The following EPB41L3 variants were observed in gnomAD, a reference collection of about 807,000 sequenced individuals.
EPB41L3 encodes band 4.1-like protein 3.
A neutral mutation model predicts 127.1 loss-of-function variants in EPB41L3; 57 were observed. The observed-to-expected ratio is 0.45, with a 90% CI of 0.36 to 0.56. The LOEUF (loss-of-function observed/expected upper bound fraction) is 0.56, where lower values mean the gene tolerates loss of function less well. Ranked by LOEUF, EPB41L3 falls within the 20% of genes least tolerant of loss-of-function variation. The pLI is 0.00. For missense variants in EPB41L3, 1,273 were observed against 1,372.2 expected, an observed-to-expected ratio of 0.93 and a Z score of 1.14; for synonymous variants, 572 against 549.5, an observed-to-expected ratio of 1.04 and a Z score of -0.57.
At chr18:5,491,134 C>T (rs960270588) in intron 1 of EPB41L3, among the ~76,000 whole-genome samples, 3 of 152,166 alleles carry the variant, frequency 2.0e-5, no homozygotes, top group Admixed American at 1.3e-4. Flanking sequence ...AAAATGCACT[C>T]AATGTTTAGG....
intron 1 of EPB41L3, among the ~76,000 whole-genome samples, chr18:5,627,106 T>C (rs1265326708): frequency 1.3e-5 from 2 of 152,160 alleles, no homozygotes; most frequent in African/African-American, 2.4e-5. Context: ...CCAGGAGAAC[T>C]TTTCTTCAAA....
chr18:5,437,562 A>G (rs980761203), intron 6 of EPB41L3, among the ~76,000 whole-genome samples: 1 of 152,198 alleles, frequency 6.6e-6, no homozygotes, highest in Non-Finnish European at 1.5e-5. Context: ...TTCTTGCTTA[A>G]TATCTTCTTT....
At chr18:5,493,396 C>A (rs1306418229) in intron 1 of EPB41L3, among the ~76,000 whole-genome samples, 1 of 152,112 alleles carries the variant, frequency 6.6e-6, no homozygotes, top group Non-Finnish European at 1.5e-5. Flanking sequence ...TTTTTAACAT[C>A]AACCTTTTTT....
upstream of EPB41L3, among the ~76,000 whole-genome samples, chr18:5,544,778 T>C (rs796137494): frequency 1.4e-4 from 22 of 152,286 alleles, no homozygotes; most frequent in African/African-American, 4.1e-4. Context: ...TGATTGTACA[T>C]TTTAAAATAA....
intron 1 of EPB41L3, among the ~76,000 whole-genome samples, chr18:5,502,929 C>T (rs2091864567): frequency 6.6e-6 from 1 of 152,158 alleles, no homozygotes; most frequent in East Asian, 1.9e-4. Context: ...TAGCTACTAA[C>T]CCTGGCGAGG....
chr18:5,584,942 A>G (rs1195417060), intron 3 of EPB41L3, among the ~76,000 whole-genome samples: 1 of 152,222 alleles, frequency 6.6e-6, no homozygotes, highest in Admixed American at 6.5e-5. Context: ...GGATTGCAGG[A>G]CTGTGTGACT....
In EPB41L3 at chr18:5,406,850, A is replaced by G; in HGVS notation, c.2276T>C (p.Leu759Pro). 1.2e-6 allele frequency: 2 copies of G among 1,614,172 alleles called. No homozygotes were observed. The highest frequency in any genetic ancestry group is 1.7e-6 in the Non-Finnish European group (2 of 1,180,034). ...TAVTNEWEKR[L>P]STSPVRLAAR... ...GGCCAGTCGCACGGGGGAGGTGGAA[A>G]GCCTCTTCTCCCATTCATTCGTTAC... Residue 759 changes from leucine to proline, a missense_variant, in exon 16 of 23, where the codon CTT (leucine) becomes CCT (proline). Physicochemically the swap from Leu to Pro is moderately conservative, Grantham distance 98 (BLOSUM62 -3). Around this residue, in one of 3 missense-constraint regions of EPB41L3, gnomAD observed 765 missense variants for 782.9 expected, o/e 0.98. Coordinates refer to ENST00000341928, the MANE Select transcript of EPB41L3 (RefSeq NM_012307.5).
At chr18:5,491,708 A>G (rs1435590492) in intron 1 of EPB41L3, among the ~76,000 whole-genome samples, 1 of 152,210 alleles carries the variant, frequency 6.6e-6, no homozygotes, top group Non-Finnish European at 1.5e-5. Context: ...TTCCAGCACT[A>G]TAGGCATAAT....
intron 3 of EPB41L3, among the ~76,000 whole-genome samples, chr18:5,559,194 A>G (rs901453835): frequency 2.0e-5 from 3 of 152,224 alleles, no homozygotes; most frequent in Non-Finnish European, 2.9e-5. Context: ...GTTGCAGACT[A>G]AGAACACAGA....
In EPB41L3 at chr18:5,493,144, A is replaced by C. The variant is rs969045013; in HGVS notation, c.-11-3950T>G. Among the ~76,000 whole-genome samples, 5 of 152,248 alleles carry C rather than the reference A, an allele frequency of 3.3e-5. No individual in the cohort carries two copies. In the East Asian group the frequency reaches 9.6e-4, roughly 29 times the overall value. On this transcript the variant is annotated intron_variant, in intron 1 of 22. Transcript: ENST00000341928. Reference sequence around the variant, plus strand: ...GCTCTAAAATCTCCATCTCCTAACTAAATGACTGCTAAATTAGTTTCTGTA... The same window carrying C: ...GCTCTAAAATCTCCATCTCCTAACTCAATGACTGCTAAATTAGTTTCTGTA...
chr18:5,516,581 T>C (rs1314434180), intron 1 of EPB41L3, among the ~76,000 whole-genome samples: 1 of 152,242 alleles, frequency 6.6e-6, no homozygotes, highest in Non-Finnish European at 1.5e-5. Flanking sequence ...ACTTCCAGCA[T>C]TTCCTTTTTC....
At chr18:5,618,557 G>A (rs894976591) in intron 1 of EPB41L3, among the ~76,000 whole-genome samples, 47 of 152,302 alleles carry the variant, frequency 3.1e-4, no homozygotes, top group African/African-American at 7.2e-4. Context: ...TAAACATTTG[G>A]AGGTCATTGA....
At chr18:5,532,158 C>T (rs1049711782) in intron 1 of EPB41L3, among the ~76,000 whole-genome samples, 1 of 152,078 alleles carries the variant, frequency 6.6e-6, no homozygotes, top group African/African-American at 2.4e-5. Context: ...AAATGTTAAA[C>T]ATCCCCTAAA....
intron 1 of EPB41L3, among the ~76,000 whole-genome samples, chr18:5,504,658 C>T (rs2092006916): frequency 6.6e-6 from 1 of 152,176 alleles, no homozygotes; most frequent in Admixed American, 6.5e-5. Flanking sequence ...TTTCTACTGG[C>T]ATTCCTCTCC....
At chr18:5,578,049 A>G (rs1599079109) in intron 3 of EPB41L3, among the ~76,000 whole-genome samples, 1 of 151,814 alleles carries the variant, frequency 6.6e-6, no homozygotes, top group South Asian at 2.1e-4. Context: ...ATCTGTACTA[A>G]GCAAAGAGGG....
In EPB41L3 at chr18:5,566,793, C is replaced by CTATTCTATTCT. The variant is rs747649790; in HGVS notation, c.-306+45546_-306+45547insAGAATAGAATA. On this transcript the variant is annotated intron_variant, in intron 3 of 21. Transcript: ENST00000545076. Reference sequence around the variant, plus strand: ...TATTCTATTCTATTCTATTCTATTCCATTCCATTCCATTCTAATTTTATTT... The same window carrying CTATTCTATTCT: ...TATTCTATTCTATTCTATTCTATTCCTATTCTATTCTATTCCATTCCATTCTAATTTTATTT... Among the ~76,000 whole-genome samples, 146 of 88,326 alleles carry CTATTCTATTCT rather than the reference C, an allele frequency of 1.7e-3. 1 individual carries two copies. Among genetic ancestry groups the CTATTCTATTCT allele is most frequent in the Middle Eastern group, 5.4e-3 (1 of 184 alleles). The allele number at this position is 88,326 out of a possible 152,430, so 57.9% of individuals were successfully genotyped here.
chr18:5,494,097 A>T (rs935411828), intron 1 of EPB41L3, among the ~76,000 whole-genome samples: 4 of 152,160 alleles, frequency 2.6e-5, no homozygotes, highest in African/African-American at 9.7e-5. Flanking sequence ...CAGATCCATA[A>T]ATACAACTCT....
intron 3 of EPB41L3, among the ~76,000 whole-genome samples, chr18:5,461,526 C>T (rs2084002229): frequency 2.0e-5 from 3 of 152,162 alleles, no homozygotes; most frequent in Admixed American, 6.5e-5. Context: ...ACAAAGATAT[C>T]TTGTTTATTG....
At chr18:5,527,615 T>C (rs1209812045) in intron 1 of EPB41L3, among the ~76,000 whole-genome samples, 3 of 152,174 alleles carry the variant, frequency 2.0e-5, no homozygotes, top group Non-Finnish European at 4.4e-5. Context: ...ATAAAATGTG[T>C]AGTGATATGA....
Sources: gnomAD v4.1 joint callset for allele counts (sites outside exome capture counted in the v4.1 genomes callset) on GRCh38, gnomAD v4.1.1 for gene constraint, gnomAD v4.1.1 regional missense constraint, MANE v1.5 for transcripts, NCBI Gene and HGNC (gene_info 2026-07-23, HGNC 2026-07-21) for gene names.